Variants in UBA3 observed in about 807,000 individuals in gnomAD.
UBA3 encodes NEDD8-activating enzyme E1 catalytic subunit.
A neutral mutation model predicts 73.5 loss-of-function variants in UBA3; 26 were observed. The observed-to-expected ratio is 0.35, with a 90% CI of 0.26 to 0.49. UBA3 has a LOEUF of 0.49. UBA3 is among the 20% of genes least tolerant of loss of function. The pLI is 0.98. For synonymous variants in UBA3, 217 were observed against 191.2 expected (o/e 1.13, Z -1.11); for missense variants, 495 against 555.6 (o/e 0.89, Z 1.10).
intron 2 of UBA3, 31 bp downstream of exon 2, chr3:69,080,081 G>C: frequency 1.9e-6 from 3 of 1,601,974 alleles, no homozygotes; most frequent in Non-Finnish European, 2.6e-6. Flanking sequence ...GGGGTCCCCG[G>C]AGAGGGCCCC....
At chr3:69,060,710 T>A (rs888034671) in intron 11 of UBA3, among the ~76,000 whole-genome samples, 1 of 152,130 alleles carries the variant, frequency 6.6e-6, no homozygotes, top group Non-Finnish European at 1.5e-5. Context: ...ATCCCCAGTG[T>A]TGGAGGTGAG....
At chr3:69,055,955 C>G in intron 16 of UBA3, 45 bp downstream of exon 16, 1 of 1,592,210 alleles carries the variant, frequency 6.3e-7, no homozygotes, top group Non-Finnish European at 8.5e-7. Context: ...TAAAATAAAA[C>G]TTGATATAAT....
chr3:69,071,016 G>GT (rs1183013472), intron 5 of UBA3: 1 of 154,394 alleles, frequency 6.5e-6, no homozygotes, highest in Non-Finnish European at 1.4e-5. Context: ...TATGCCTAAG[G>GT]TAACCATCCC....
At position 69,077,879 on chromosome 3, in the gene UBA3, C is replaced by G; in HGVS notation, c.102G>C (p.Trp34Cys). The change falls in exon 3 of 18, where the codon TGG (tryptophan) becomes TGC (cysteine). Residue 34 changes from tryptophan to cysteine, a missense_variant. Transcript: ENST00000361055. ...VDGGCGDTGD[W>C]EGRWNHVKKF... ...TCTTTACATGGTTCCAGCGACCTTC[C>G]CAGTCTCCAGTGTCCCCACACCCAC... 6.2e-7 allele frequency: 1 copy of G among 1,614,050 alleles called. No individual in the cohort carries two copies.
intron 6 of UBA3, among the ~76,000 whole-genome samples, chr3:69,067,275 T>A (rs1187207779): frequency 6.6e-6 from 1 of 152,222 alleles, no homozygotes; most frequent in East Asian, 1.9e-4. Context: ...ACTATATAAA[T>A]CTCTTACTTA....
chr3:69,073,912 G>C (rs1265040674), intron 4 of UBA3, among the ~76,000 whole-genome samples: 1 of 150,542 alleles, frequency 6.6e-6, no homozygotes, highest in African/African-American at 2.4e-5. Flanking sequence ...CAAAGTGCTG[G>C]GATTACAGGT....
At chr3:69,057,402 A>G (rs1027345473) in intron 11 of UBA3, 93 bp from the exon 12 acceptor site, 1 of 1,184,746 alleles carries the variant, frequency 8.4e-7, no homozygotes, top group Admixed American at 2.4e-5. Flanking sequence ...ACCATTTTCT[A>G]AAACTTGATT....
chr3:69,055,734 A>C, intron 17 of UBA3, 117 bp downstream of exon 17: 1 of 1,037,356 alleles, frequency 9.6e-7, no homozygotes, highest in Non-Finnish European at 1.4e-6. Flanking sequence ...GTTGTAAGTA[A>C]TTATTACCTG....
At chr3:69,072,784 T>C (rs909675261) in intron 4 of UBA3, among the ~76,000 whole-genome samples, 6 of 152,146 alleles carry the variant, frequency 3.9e-5, no homozygotes, top group African/African-American at 1.2e-4. Flanking sequence ...ACCAAATCTG[T>C]TCTTTTCCAG....
intron 11 of UBA3, among the ~76,000 whole-genome samples, chr3:69,061,324 T>C (rs985789604): frequency 6.6e-6 from 1 of 152,214 alleles, no homozygotes; most frequent in Admixed American, 6.5e-5. Context: ...GCTTCCTGAG[T>C]AGCTGGGATT....
chr3:69,069,658 T>C (rs1280001172), intron 5 of UBA3, among the ~76,000 whole-genome samples: 1 of 152,188 alleles, frequency 6.6e-6, no homozygotes, highest in Non-Finnish European at 1.5e-5. Flanking sequence ...AGCACTGTTC[T>C]TTTTTGATTC....
At chr3:69,073,647 T>G (rs2092140402) in intron 4 of UBA3, among the ~76,000 whole-genome samples, 1 of 151,598 alleles carries the variant, frequency 6.6e-6, no homozygotes. Flanking sequence ...TTTTTTTTTT[T>G]TTTTTTGAGA....
At chr3:69,077,956 T>C (rs1235415110) in intron 2 of UBA3, 38 bp from the exon 3 acceptor site, 1 of 1,605,660 alleles carries the variant, frequency 6.2e-7, no homozygotes, top group Non-Finnish European at 8.5e-7. Context: ...CAAAGATCAG[T>C]ATGAAAAAAA....
intron 11 of UBA3, among the ~76,000 whole-genome samples, chr3:69,060,224 G>C (rs1302347643): frequency 2.0e-5 from 3 of 151,786 alleles, no homozygotes; most frequent in Admixed American, 6.6e-5. Flanking sequence ...TACATATAAA[G>C]AGAGAAAAAC....
Position 69,063,382 on chromosome 3 carries a change from G to C in UBA3, c.537+57C>G, listed in dbSNP as rs371636152. On this transcript the variant is annotated intron_variant, in intron 8 of 17. Transcript: ENST00000361055. Reference sequence around the variant, plus strand: ...AAAATATATCAATTCTAATTTTGGGGATGTGAAGCACAGCAGCAAGAACTT... The same window carrying C: ...AAAATATATCAATTCTAATTTTGGGCATGTGAAGCACAGCAGCAAGAACTT... 1.0e-4 allele frequency: 154 copies of C among 1,508,054 alleles called. 5 individuals are homozygous for C. The South Asian group carries it at 1.6e-3, about 16-fold the overall frequency. 93.4% of individuals were successfully genotyped at this position (1,508,054 alleles called of 1,614,324 possible).
chr3:69,058,094 C>A (rs370719694), intron 11 of UBA3, among the ~76,000 whole-genome samples: 32 of 152,012 alleles, frequency 2.1e-4, no homozygotes, highest in East Asian at 7.8e-4. Flanking sequence ...CCACGCCTGG[C>A]TAATTTTTTG....
At chr3:69,061,784 A>T (rs756085595) in intron 11 of UBA3, 30 bp downstream of exon 11, 4 of 1,441,870 alleles carry the variant, frequency 2.8e-6, no homozygotes, top group Non-Finnish European at 3.8e-6. Flanking sequence ...TCATCCCAAC[A>T]TCATAATTCA....
At chr3:69,069,261 C>T (rs1213710737) in intron 5 of UBA3, among the ~76,000 whole-genome samples, 4 of 152,070 alleles carry the variant, frequency 2.6e-5, no homozygotes, top group African/African-American at 7.2e-5. Context: ...AATAATAAAT[C>T]GTGTGCTTAT....
At position 69,077,845 on chromosome 3, in the gene UBA3, C is replaced by G; in HGVS notation, c.136G>C (p.Glu46Gln). 6.2e-7 allele frequency: 1 copy of G among 1,614,108 alleles called. No homozygotes were observed. Among genetic ancestry groups the G allele is most frequent in the South Asian group, 1.1e-5 (1 of 91,076 alleles). The part of the protein sequence containing the change: ...GRWNHVKKFL[E>Q]RSGPFTHPDF... ...GGGTGTGTGAAGGGTCCAGATCGCT[C>G]GAGGAACTTCTTTACATGGTTCCAG... Residue 46 changes from glutamate (E) to glutamine (Q), a missense_variant, in exon 3 of 18, where the codon GAG (glutamate) becomes CAG (glutamine). By Grantham distance (29) the Glu-to-Gln change is conservative. Transcript: ENST00000361055.
Sources: allele counts gnomAD v4.1 joint callset (sites outside exome capture counted in the v4.1 genomes callset), GRCh38; gene constraint gnomAD v4.1.1; transcripts MANE v1.5; gene names NCBI Gene and HGNC (gene_info 2026-07-23, HGNC 2026-07-21).